MAIP1: variants seen among roughly 807,000 people sequenced by gnomAD.
MAIP1 encodes matrix AAA peptidase interacting protein 1.
MAIP1 carries 28 observed loss-of-function variants against 31.2 expected under a neutral mutation model. The observed-to-expected ratio is 0.90, with a 90% CI of 0.67 to 1.23. The LOEUF (loss-of-function observed/expected upper bound fraction) is 1.23. Ranked by LOEUF, MAIP1 falls within the 50% of genes most tolerant of loss-of-function variation. The probability of loss-of-function intolerance (pLI) is 0.00; values close to 1 mark genes in which losing one functional copy is unlikely to be tolerated. For missense variants in MAIP1, 339 were observed against 356.0 expected, an observed-to-expected ratio of 0.95 and a Z score of 0.38; for synonymous variants, 142 against 142.3, an observed-to-expected ratio of 1.00 and a Z score of 0.02.
At chr2:199,960,027 A>G (rs1296605967) in intron 3 of MAIP1, 147 bp downstream of exon 3, 2 of 731,754 alleles carry the variant, frequency 2.7e-6, no homozygotes, top group East Asian at 2.7e-5. Context: ...TTAAAGACCT[A>G]CTTCTGAAAG....
At chr2:199,959,039 G>T (rs147216306) in intron 1 of MAIP1, among the ~76,000 whole-genome samples, 1 of 152,126 alleles carries the variant, frequency 6.6e-6, no homozygotes, top group Non-Finnish European at 1.5e-5. Flanking sequence ...ATCATTTCCC[G>T]GTCCTGAGAG....
In MAIP1 at chr2:199,959,388, C is replaced by A. The variant is rs768553966; in HGVS notation, c.522+49C>A. The A allele has an allele frequency of 5.0e-6, 5 of 994,094 alleles. No individual in the cohort carries two copies. In the East Asian group the frequency reaches 7.2e-5, roughly 14 times the overall value. 61.6% of individuals were successfully genotyped at this position (994,094 alleles called of 1,614,324 possible). A position where few individuals can be genotyped will look rare whatever the true frequency, so the allele number is the denominator to read the frequency against. On this transcript the variant is annotated intron_variant, in intron 2 of 4. Coordinates refer to ENST00000392290, the MANE Select transcript of MAIP1 (RefSeq NM_001394955.1). ...TTTAAAAATAAATGCTATTCTCTTG[C>A]AATAGAATGATGCACATTTTCCTTA...
intron 3 of MAIP1, among the ~76,000 whole-genome samples, chr2:199,960,524 A>G (rs1174095977): frequency 6.6e-6 from 1 of 152,244 alleles, no homozygotes; most frequent in Non-Finnish European, 1.5e-5. Flanking sequence ...ATTAAAAAAA[A>G]ATAGTTGCAT....
Position 199,959,760 on chromosome 2 carries a change from C to A in MAIP1, c.529C>A (p.His177Asn). The A allele has an allele frequency of 6.2e-7, 1 of 1,611,528 alleles. No individual in the cohort carries two copies. The highest frequency in any genetic ancestry group is 8.5e-7 in the Non-Finnish European group (1 of 1,179,080). Residue 177 changes from histidine to asparagine, a missense_variant, in exon 3 of 5, where the codon CAT becomes AAT. Physicochemically the swap from His to Asn is moderately conservative, Grantham distance 68. Transcript: ENST00000392290. ...LEELVAKEVLHALKEKVTSLP... is the reference protein window; with the variant it reads ...LEELVAKEVLNALKEKVTSLP... Reference sequence around the variant, plus strand: ...TTGCTTTTTTCAAACTTAGGTGCTACATGCATTGAAAGAAAAGGTTACTTC... The same window carrying A: ...TTGCTTTTTTCAAACTTAGGTGCTAAATGCATTGAAAGAAAAGGTTACTTC...
intron 2 of MAIP1, 44 bp downstream of exon 2, chr2:199,959,383 T>C: frequency 1.9e-6 from 2 of 1,044,080 alleles, no homozygotes; most frequent in Non-Finnish European, 3.0e-6. Context: ...AATGCTATTC[T>C]CTTGCAATAG....
In MAIP1 at chr2:199,955,880, G is replaced by A. The variant is rs770161992; in HGVS notation, c.82G>A (p.Ala28Thr). The A allele has an allele frequency of 6.4e-7, 1 of 1,559,334 alleles. No homozygotes were observed. Among genetic ancestry groups the A allele is most frequent in the African/African-American group, 1.4e-5 (1 of 73,618 alleles). ...PCGAVRLRTPAVAEVRLPSAT... is the reference protein window; with the variant it reads ...PCGAVRLRTPTVAEVRLPSAT... Reference sequence around the variant, plus strand: ...CGGGGCCGTCCGACTCCGGACTCCTGCTGTGGCCGAGGTGAGGCTGCCGTC... The same window carrying A: ...CGGGGCCGTCCGACTCCGGACTCCTACTGTGGCCGAGGTGAGGCTGCCGTC... Residue 28 changes from alanine (A) to threonine (T), a missense_variant, in exon 1 of 5, where the codon GCT becomes ACT. Physicochemically the swap from Ala to Thr is moderately conservative, Grantham distance 58. Coordinates refer to ENST00000392290, the MANE Select transcript of MAIP1 (RefSeq NM_001394955.1).
chr2:199,956,170 T>C lies in MAIP1; in HGVS notation c.372T>C (p.Thr124=). ...GFSNPINWVR[T]RIKAFLIWAY... ...CCAACCCCATCAACTGGGTTAGGAC[T>C]CGAATTAAGGCCTTCCTTATCTGGG... Residue 124 remains threonine, a synonymous_variant, in exon 1 of 5, where the codon ACT becomes ACC. Coordinates refer to ENST00000392290, the MANE Select transcript of MAIP1 (RefSeq NM_001394955.1). 1.2e-6 allele frequency: 2 copies of C among 1,614,192 alleles called. No homozygotes were observed. Among genetic ancestry groups the C allele is most frequent in the Non-Finnish European group, 1.7e-6 (2 of 1,180,032 alleles).
At chr2:199,959,145 A>G (rs34998043) in intron 1 of MAIP1, 123 bp from the exon 2 acceptor site, 24,383 of 605,828 alleles carry the variant, frequency 0.04, 639 homozygotes, top group Middle Eastern at 0.059. Flanking sequence ...ATAAATTAAT[A>G]TTTGATGTTG....
Position 199,961,810 on chromosome 2 carries a change from T to G in MAIP1, c.679T>G (p.Phe227Val). 1 of 1,613,780 alleles carries G rather than the reference T, an allele frequency of 6.2e-7. No homozygotes were observed. The highest frequency in any genetic ancestry group is 8.5e-7 in the Non-Finnish European group (1 of 1,179,822). The change falls in exon 4 of 5, where the codon TTT becomes GTT. Residue 227 changes from phenylalanine to valine, a missense_variant. Coordinates refer to ENST00000392290, the MANE Select transcript of MAIP1 (RefSeq NM_001394955.1). ...GRKFVNILMC[F>V]WYLTSANIPS... ...GAAGTTTGTTAACATCCTGATGTGCTTTTGGTATCTAACCAGTGCCAACAT... is the reference window on the plus strand; with the variant it reads ...GAAGTTTGTTAACATCCTGATGTGCGTTTGGTATCTAACCAGTGCCAACAT...
In MAIP1 at chr2:199,961,843, G is replaced by C; in HGVS notation, c.712G>C (p.Glu238Gln). The C allele has an allele frequency of 6.2e-7, 1 of 1,614,056 alleles. No homozygotes were observed. The highest frequency in any genetic ancestry group is 8.5e-7 in the Non-Finnish European group (1 of 1,179,936). The change falls in exon 4 of 5, where the codon GAA becomes CAA. Residue 238 changes from glutamate to glutamine, a missense_variant. Coordinates refer to ENST00000392290, the MANE Select transcript of MAIP1 (RefSeq NM_001394955.1). ...TCTAACCAGTGCCAACATCCCCAGT[G>C]AAACTTTAAGAGGAGCCAGTGTATT... ...WYLTSANIPS[E>Q]TLRGASVFQV...
intron 1 of MAIP1, among the ~76,000 whole-genome samples, chr2:199,958,143 G>A (rs1355452034): frequency 6.6e-6 from 1 of 152,162 alleles, no homozygotes; most frequent in East Asian, 1.9e-4. Context: ...AGGTGTCGGA[G>A]GGGTTGTTTT....
At chr2:199,958,172 G>T (rs2077617846) in intron 1 of MAIP1, among the ~76,000 whole-genome samples, 1 of 152,150 alleles carries the variant, frequency 6.6e-6, no homozygotes, top group African/African-American at 2.4e-5. Flanking sequence ...GCCTCTCTCA[G>T]CTTACAGATG....
At chr2:199,958,090 C>T (rs1423098390) in intron 1 of MAIP1, among the ~76,000 whole-genome samples, 3 of 152,166 alleles carry the variant, frequency 2.0e-5, no homozygotes, top group Non-Finnish European at 4.4e-5. Context: ...AGCCTGTAAG[C>T]ATTGTTGCTT....
In MAIP1 at chr2:199,959,308, T is replaced by G. The variant is rs1363495298; in HGVS notation, c.491T>G (p.Phe164Cys). 6.2e-7 allele frequency: 1 copy of G among 1,600,298 alleles called. No homozygotes were observed. The highest frequency in any genetic ancestry group is 1.7e-5 in the Admixed American group (1 of 59,978). The change falls in exon 2 of 5, where the codon TTT (phenylalanine) becomes TGT (cysteine). Residue 164 changes from phenylalanine to cysteine, a missense_variant. Phe to Cys is a radical substitution (Grantham distance 205, BLOSUM62 -2). Coordinates refer to ENST00000392290, the MANE Select transcript of MAIP1 (RefSeq NM_001394955.1). ...HVSKLLSQCKFDLLEELVAKE... is the reference protein window; with the variant it reads ...HVSKLLSQCKCDLLEELVAKE... ...TCCAAGTTGCTGTCACAGTGTAAATTTGATCTGTTGGAAGAACTTGTGGCC... is the reference window on the plus strand; with the variant it reads ...TCCAAGTTGCTGTCACAGTGTAAATGTGATCTGTTGGAAGAACTTGTGGCC...
intron 1 of MAIP1, 50 bp from the exon 2 acceptor site, chr2:199,959,217 AT>A (rs1274833240): frequency 2.2e-6 from 2 of 893,856 alleles, no homozygotes; most frequent in South Asian, 2.7e-5. Context: ...TGAACATGGT[AT>A]GGTATTTTGA....
chr2:199,955,612 G>A lies in MAIP1; in HGVS notation c.-187G>A. 1 of 1,260,492 alleles carries A rather than the reference G, an allele frequency of 7.9e-7. No individual in the cohort carries two copies. The highest frequency in any genetic ancestry group is 1.1e-6 in the Non-Finnish European group (1 of 924,940). The allele number at this position is 1,260,492 out of a possible 1,614,324, so 78.1% of individuals were successfully genotyped here. A position where few individuals can be genotyped will look rare whatever the true frequency, so the allele number is the denominator to read the frequency against. Reference sequence around the variant, plus strand: ...CCAGAGTGGCTGGGTCCGAGCGCGGGGCGGGTTGCCGAAGGGCCTCGGCCT... The same window carrying A: ...CCAGAGTGGCTGGGTCCGAGCGCGGAGCGGGTTGCCGAAGGGCCTCGGCCT... On this transcript the variant is annotated 5_prime_UTR_variant, in exon 1 of 5. Transcript: ENST00000392290.
Position 199,956,045 on chromosome 2 carries a change from G to A in MAIP1, c.247G>A (p.Ala83Thr). The A allele has an allele frequency of 1.2e-6, 2 of 1,610,234 alleles. No homozygotes were observed. Among genetic ancestry groups the A allele is most frequent in the Non-Finnish European group, 1.7e-6 (2 of 1,178,094 alleles). Residue 83 changes from alanine to threonine, a missense_variant, in exon 1 of 5, where the codon GCA (alanine) becomes ACA (threonine). Coordinates refer to ENST00000392290, the MANE Select transcript of MAIP1 (RefSeq NM_001394955.1). ...AGTGCTCAGCAGCCCGGGACTCCCC[G>A]CAGCCTTCGCTTCTTTCCCTGCCTG... ...WPVLSSPGLPAAFASFPACPQ... is the reference protein window; with the variant it reads ...WPVLSSPGLPTAFASFPACPQ...
At position 199,956,002 on chromosome 2, in the gene MAIP1, C is replaced by T. The variant is rs1424727581; in HGVS notation, c.204C>T (p.Ala68=). ...ARALAASALP[A]QGSRWPVLSS... ...CCTTGGCAGCCTCGGCGCTACCTGC[C>T]CAGGGCTCCCGGTGGCCAGTGCTCA... The change falls in exon 1 of 5, where the codon GCC becomes GCT. Residue 68 remains alanine (A), a synonymous_variant. Transcript: ENST00000392290. 1 of 1,610,990 alleles carries T rather than the reference C, an allele frequency of 6.2e-7. No individual in the cohort carries two copies. The highest frequency in any genetic ancestry group is 1.3e-5 in the African/African-American group (1 of 74,874).
At chr2:199,957,514 T>C (rs1242393481) in intron 1 of MAIP1, among the ~76,000 whole-genome samples, 1 of 152,266 alleles carries the variant, frequency 6.6e-6, no homozygotes, top group Non-Finnish European at 1.5e-5. Context: ...GGTTGTATAC[T>C]GGTATTGATA....
Sources: gnomAD v4.1 joint callset for allele counts (sites outside exome capture counted in the v4.1 genomes callset) on GRCh38, gnomAD v4.1.1 for gene constraint, MANE v1.5 for transcripts, NCBI Gene and HGNC (gene_info 2026-07-23, HGNC 2026-07-21) for gene names.